SLC45A4: variants seen among roughly 807,000 people sequenced by gnomAD.
The protein encoded by SLC45A4 is solute carrier family 45 member 4.
SLC45A4 carries 32 observed loss-of-function variants against 63.7 expected under a neutral mutation model. That is an observed-to-expected ratio of 0.50 (90% CI 0.38 to 0.67). SLC45A4 has a LOEUF of 0.67. Among genes scored for constraint, SLC45A4 ranks in the 30% least tolerant of loss-of-function variants. The pLI, the probability that SLC45A4 is intolerant of heterozygous loss-of-function variation, is 0.00. For synonymous variants in SLC45A4, 535 were observed against 510.0 expected (o/e 1.05, Z -0.66); for missense variants, 1,027 against 1,157.7 (o/e 0.89, Z 1.64).
intron 2 of SLC45A4, among the ~76,000 whole-genome samples, chr8:141,223,809 G>A (rs1045500974): frequency 2.6e-5 from 4 of 152,174 alleles, no homozygotes; most frequent in Admixed American, 2.6e-4. Context: ...CCAGAGGGCC[G>A]TAGCTGCTCA....
intron 3 of SLC45A4, among the ~76,000 whole-genome samples, chr8:141,220,227 G>A (rs185923883): frequency 1.3e-3 from 200 of 152,342 alleles, no homozygotes; most frequent in African/African-American, 4.7e-3. Flanking sequence ...AGGGAAAGGC[G>A]CTCATGCCAC....
Position 141,265,839 on chromosome 8 carries a change from T to TGTTCC in SLC45A4, c.-400-11215_-400-11211dup, listed in dbSNP as rs1421477873. 2.6e-5 allele frequency among the ~76,000 whole-genome samples: 4 copies of TGTTCC among 152,376 alleles called. No homozygotes were observed. The East Asian group carries it at 7.7e-4, about 29-fold the overall frequency. The stretch of plus-strand genomic sequence containing the variant: ...GAAAAGCAAGCTTCCCTTTGGAATC[T>TGTTCC]GTTCCAGCGACTGTCGGGGCATTCG... On this transcript the variant is annotated intron_variant, in intron 1 of 8. Transcript: ENST00000517878.
At chr8:141,220,169 G>A (rs1157104547) in intron 3 of SLC45A4, among the ~76,000 whole-genome samples, 1 of 152,234 alleles carries the variant, frequency 6.6e-6, no homozygotes, top group Non-Finnish European at 1.5e-5. Flanking sequence ...CTGGAAGCAT[G>A]AATTCACTGT....
At chr8:141,232,595 G>A (rs2154614351) in intron 2 of SLC45A4, among the ~76,000 whole-genome samples, 1 of 151,952 alleles carries the variant, frequency 6.6e-6, no homozygotes, top group East Asian at 1.9e-4. Context: ...GCGCTCATGA[G>A]CTGCAATGGG....
chr8:141,244,098 G>A (rs148741456), intron 2 of SLC45A4, among the ~76,000 whole-genome samples: 123 of 152,172 alleles, frequency 8.1e-4, no homozygotes, highest in Middle Eastern at 3.4e-3. Flanking sequence ...CAATCAACTC[G>A]GCTACTTGGG....
In SLC45A4 at chr8:141,211,336, G is replaced by T; in HGVS notation, c.*236C>A. The T allele has an allele frequency of 7.5e-7, 1 of 1,328,638 alleles. No homozygotes were observed. Among genetic ancestry groups the T allele is most frequent in the Non-Finnish European group, 1.0e-6 (1 of 988,298 alleles). The allele number at this position is 1,328,638 out of a possible 1,614,324, so 82.3% of individuals were successfully genotyped here. A position where few individuals can be genotyped will look rare whatever the true frequency, so the allele number is the denominator to read the frequency against. On this transcript the variant is annotated 3_prime_UTR_variant, in exon 9 of 9. Transcript: ENST00000517878. ...GAGCGGGGTCACATGGCTGGGCGCA[G>T]ACACACTCACACGCGCACGCAGGAG... is the stretch of plus-strand genomic sequence containing the variant.
chr8:141,246,418 G>T (rs769330632), intron 2 of SLC45A4, among the ~76,000 whole-genome samples: 5 of 47,754 alleles, frequency 1.0e-4, no homozygotes, highest in South Asian at 5.8e-4. Flanking sequence ...GGCCCTGGGG[G>T]TGTTGGCTGA....
At chr8:141,273,861 C>T (rs992947261) in intron 1 of SLC45A4, among the ~76,000 whole-genome samples, 1 of 152,174 alleles carries the variant, frequency 6.6e-6, no homozygotes, top group Middle Eastern at 3.2e-3. Context: ...ACTCAGGACA[C>T]ACGATGTCCG....
chr8:141,223,910 C>T (rs1826815854), intron 2 of SLC45A4, among the ~76,000 whole-genome samples: 2 of 152,220 alleles, frequency 1.3e-5, no homozygotes, highest in South Asian at 4.1e-4. Flanking sequence ...TGAACCAAAC[C>T]ACTTTACCAT....
chr8:141,276,994 C>T (rs1829752693), intron 1 of SLC45A4, among the ~76,000 whole-genome samples: 1 of 152,246 alleles, frequency 6.6e-6, no homozygotes, highest in Non-Finnish European at 1.5e-5. Flanking sequence ...TGTGAGCCAG[C>T]ACAGGATGTC....
rs760606605 is a variant in SLC45A4, at chr8:141,218,056, G to T, written c.1584C>A (p.Phe528Leu). Reference protein sequence around the residue: ...TWFSVIAEAVFYTDFMGQVIF... With the variant: ...TWFSVIAEAVLYTDFMGQVIF... ...TGACCTGGCCCATGAAGTCGGTGTAGAACACGGCCTCGGCGATGACAGAGA... is the reference window on the plus strand; with the variant it reads ...TGACCTGGCCCATGAAGTCGGTGTATAACACGGCCTCGGCGATGACAGAGA... Residue 528 changes from phenylalanine (F) to leucine (L), a missense_variant, in exon 5 of 9, where the codon TTC becomes TTA. Transcript: ENST00000517878. The T allele has an allele frequency of 6.2e-7, 1 of 1,612,606 alleles. No individual in the cohort carries two copies. Among genetic ancestry groups the T allele is most frequent in the Admixed American group, 1.7e-5 (1 of 60,018 alleles).
At chr8:141,282,906 G>C (rs1339814666) in intron 1 of SLC45A4, among the ~76,000 whole-genome samples, 1 of 152,238 alleles carries the variant, frequency 6.6e-6, no homozygotes, top group Admixed American at 6.5e-5. Flanking sequence ...TGCAGGGCAG[G>C]GGTCACACGA....
chr8:141,235,899 C>T (rs1275219242), intron 2 of SLC45A4, among the ~76,000 whole-genome samples: 3 of 152,008 alleles, frequency 2.0e-5, no homozygotes, highest in Non-Finnish European at 4.4e-5. Context: ...GTCAGGAGTT[C>T]GAGACCAGCC....
At chr8:141,221,114 A>T (rs1034852572) in intron 3 of SLC45A4, among the ~76,000 whole-genome samples, 2 of 152,278 alleles carry the variant, frequency 1.3e-5, no homozygotes, top group Non-Finnish European at 2.9e-5. Flanking sequence ...TTCTTGCCAG[A>T]AAAATGTTTT....
chr8:141,231,091 T>G (rs1280673881), intron 2 of SLC45A4, among the ~76,000 whole-genome samples: 1 of 152,120 alleles, frequency 6.6e-6, no homozygotes, highest in Non-Finnish European at 1.5e-5. Flanking sequence ...AGAACACTAG[T>G]GTGGGAGAAG....
chr8:141,286,466 C>A (rs1007666636), intron 1 of SLC45A4, among the ~76,000 whole-genome samples: 1 of 152,206 alleles, frequency 6.6e-6, no homozygotes, highest in Non-Finnish European at 1.5e-5. Context: ...CCTTTACCCA[C>A]ACGCCCTACT....
intron 1 of SLC45A4, among the ~76,000 whole-genome samples, chr8:141,261,822 C>T (rs1017715754): frequency 3.9e-5 from 6 of 152,196 alleles, no homozygotes; most frequent in Non-Finnish European, 7.3e-5. Flanking sequence ...AGATTCAATG[C>T]CATCCCCATC....
At chr8:141,241,174 C>T (rs1010374422) in intron 2 of SLC45A4, among the ~76,000 whole-genome samples, 1 of 152,270 alleles carries the variant, frequency 6.6e-6, no homozygotes, top group Non-Finnish European at 1.5e-5. Context: ...TAGTGCATAA[C>T]ACACACAGCG....
chr8:141,266,464 G>A (rs953431081), intron 1 of SLC45A4, among the ~76,000 whole-genome samples: 12 of 152,146 alleles, frequency 7.9e-5, no homozygotes, highest in African/African-American at 2.9e-4. Context: ...AGTTCCCCCA[G>A]TCACGGCCGG....
Sources: allele counts gnomAD v4.1 joint callset (sites outside exome capture counted in the v4.1 genomes callset), GRCh38; gene constraint gnomAD v4.1.1; transcripts MANE v1.5; gene names NCBI Gene and HGNC (gene_info 2026-07-23, HGNC 2026-07-21).